The following GALK2 variants were observed in gnomAD, a reference collection of about 807,000 sequenced individuals.
GALK2 encodes the protein galactokinase 2.
GALK2 carries 36 observed loss-of-function variants against 52.4 expected under a neutral mutation model. The ratio of observed to expected loss-of-function variants is 0.69; its 90% confidence interval spans 0.53 to 0.91. GALK2 has a LOEUF of 0.91. Among genes scored for constraint, GALK2 ranks in the 40% least tolerant of loss-of-function variants. GALK2 has a pLI of 0.00. For synonymous variants in GALK2, 176 were observed against 199.1 expected, an observed-to-expected ratio of 0.88 and a Z score of 0.98; for missense variants, 579 against 559.1, an observed-to-expected ratio of 1.04 and a Z score of -0.36.
chr15:49,286,396 C>T (rs2141789102), intron 7 of GALK2, among the ~76,000 whole-genome samples: 1 of 152,252 alleles, frequency 6.6e-6, no homozygotes, highest in Admixed American at 6.5e-5. Context: ...TTAGCACTGG[C>T]CTAGATCCTG....
At chr15:49,178,663 A>G (rs1215049944) in intron 1 of GALK2, 2 of 219,758 alleles carry the variant, frequency 9.1e-6, no homozygotes, top group African/African-American at 4.6e-5. Flanking sequence ...TACTGCTAGC[A>G]GGGACTCTCC....
At chr15:49,255,713 C>T (rs4775804) in intron 5 of GALK2, among the ~76,000 whole-genome samples, 99,657 of 151,702 alleles carry the variant, frequency 0.66, 33,335 homozygotes, top group African/African-American at 0.74. Context: ...ATGAATTCCC[C>T]TTTATAAAGG....
At chr15:49,170,104 G>C (rs2084961830), upstream of GALK2, 1 of 1,085,916 alleles carries the variant, frequency 9.2e-7, no homozygotes, top group Admixed American at 3.0e-5. Context: ...GGCTGTACCT[G>C]ACTGCTGCTT....
intron 1 of GALK2, among the ~76,000 whole-genome samples, chr15:49,181,018 C>T (rs2085917425): frequency 7.0e-6 from 1 of 143,638 alleles, no homozygotes; most frequent in Non-Finnish European, 1.5e-5. Context: ...TTTTGCTAGA[C>T]CAATCCTTCC....
At chr15:49,184,603 C>T (rs1050724254) in intron 1 of GALK2, among the ~76,000 whole-genome samples, 11 of 152,046 alleles carry the variant, frequency 7.2e-5, no homozygotes, top group East Asian at 1.9e-4. Context: ...TTTCTAATTT[C>T]TAGCTTTTTA....
intron 8 of GALK2, among the ~76,000 whole-genome samples, chr15:49,307,609 C>A (rs1249952066): frequency 1.3e-5 from 2 of 152,112 alleles, no homozygotes; most frequent in African/African-American, 4.8e-5. Flanking sequence ...AGAAGCTTAG[C>A]ATATGCCAGC....
At chr15:49,360,097 G>A (rs980387730) in intron 3 of GALK2, among the ~76,000 whole-genome samples, 1 of 118,502 alleles carries the variant, frequency 8.4e-6, no homozygotes, top group Non-Finnish European at 1.7e-5. Context: ...TGTGGGGTGG[G>A]GGGAGGGGGG....
At chr15:49,336,668 T>C (rs2039767321), downstream of GALK2, among the ~76,000 whole-genome samples, 1 of 150,530 alleles carries the variant, frequency 6.6e-6, no homozygotes, top group Admixed American at 6.6e-5. Flanking sequence ...TTTAAATAAT[T>C]TATTTATTTT....
intron 6 of GALK2, among the ~76,000 whole-genome samples, chr15:49,283,340 T>G (rs982582886): frequency 2.0e-5 from 3 of 152,326 alleles, no homozygotes; most frequent in African/African-American, 7.2e-5. Flanking sequence ...GTCTGTCTAC[T>G]AGACTGTCTT....
chr15:49,205,391 A>G (rs938948744), intron 2 of GALK2, among the ~76,000 whole-genome samples: 2 of 150,946 alleles, frequency 1.3e-5, no homozygotes, highest in Non-Finnish European at 3.0e-5. Flanking sequence ...ACCAACATCT[A>G]CTCTTTTTTG....
downstream of GALK2, among the ~76,000 whole-genome samples, chr15:49,333,171 T>C (rs2039101604): frequency 6.6e-6 from 1 of 152,204 alleles, no homozygotes; most frequent in African/African-American, 2.4e-5. Flanking sequence ...TATTGAGATA[T>C]GTTACATACC....
At chr15:49,240,954 A>C (rs1367380231) in intron 5 of GALK2, among the ~76,000 whole-genome samples, 1 of 152,188 alleles carries the variant, frequency 6.6e-6, no homozygotes, top group Non-Finnish European at 1.5e-5. Context: ...TTTGGTTTAG[A>C]GTAGTGGCAA....
chr15:49,280,743 C>T (rs1193204986), intron 5 of GALK2, among the ~76,000 whole-genome samples: 4 of 151,938 alleles, frequency 2.6e-5, no homozygotes, highest in Admixed American at 2.0e-4. Context: ...GAGTATTAGA[C>T]GATACTAACT....
chr15:49,265,652 C>T (rs751706288), intron 5 of GALK2, among the ~76,000 whole-genome samples: 50 of 152,358 alleles, frequency 3.3e-4, no homozygotes, highest in Non-Finnish European at 4.1e-4. Context: ...AGAAATCACC[C>T]GTCTTCTGCG....
chr15:49,223,493 G>A (rs1595730163), intron 3 of GALK2, among the ~76,000 whole-genome samples: 1 of 152,126 alleles, frequency 6.6e-6, no homozygotes, highest in African/African-American at 2.4e-5. Context: ...AGTTAGCATA[G>A]CAGCCAATAG....
intron 3 of GALK2, among the ~76,000 whole-genome samples, chr15:49,341,106 CTGTT>C (rs2040657666): frequency 6.6e-6 from 1 of 152,102 alleles, no homozygotes; most frequent in African/African-American, 2.4e-5. Flanking sequence ...GTTCTCTATT[CTGTT>C]TCATCAGTCT....
chr15:49,365,633 C>T (rs2045020054), intron 3 of GALK2: 3 of 1,106,688 alleles, frequency 2.7e-6, no homozygotes, highest in Non-Finnish European at 4.2e-6. Flanking sequence ...AAAAATACAT[C>T]ATAGAGGAGG....
chr15:49,292,573 C>T (rs2034044729), intron 8 of GALK2, 36 bp downstream of exon 8: 1 of 1,524,072 alleles, frequency 6.6e-7, no homozygotes, highest in Non-Finnish European at 9.1e-7. Context: ...ATATGTTATT[C>T]CCTCACTTAC....
At chr15:49,321,007 G>C (rs927441315) in intron 9 of GALK2, among the ~76,000 whole-genome samples, 1 of 152,214 alleles carries the variant, frequency 6.6e-6, no homozygotes, top group Non-Finnish European at 1.5e-5. Context: ...TCTCTTCCTA[G>C]AGTGGTCAAC....
Sources: allele counts gnomAD v4.1 joint callset (sites outside exome capture counted in the v4.1 genomes callset), GRCh38; gene constraint gnomAD v4.1.1; transcripts MANE v1.5; gene names NCBI Gene and HGNC (gene_info 2026-07-23, HGNC 2026-07-21).